The following NBAS variants were observed in gnomAD, a reference collection of about 807,000 sequenced individuals.
NBAS encodes the protein NBAS subunit of NRZ tethering complex.
Under a neutral mutation model 302.5 loss-of-function variants are expected in NBAS, and 219 were observed. That is an observed-to-expected ratio of 0.72 (90% CI 0.65 to 0.81). The LOEUF (loss-of-function observed/expected upper bound fraction) is 0.81, where lower values mean the gene tolerates loss of function less well. Ranked by LOEUF, NBAS falls within the 30% of genes least tolerant of loss-of-function variation. The pLI, the probability that NBAS is intolerant of heterozygous loss-of-function variation, is 0.00. For missense variants in NBAS, 2,932 were observed against 2,841.6 expected (o/e 1.03, Z -0.72); for synonymous variants, 1,118 against 1,021.6 (o/e 1.09, Z -1.80).
At chr2:15,532,396 G>A (rs1465008643) in intron 9 of NBAS, among the ~76,000 whole-genome samples, 3 of 150,732 alleles carry the variant, frequency 2.0e-5, no homozygotes, top group Non-Finnish European at 4.4e-5. Flanking sequence ...GGCTGAGGCA[G>A]GACAATGGCA....
intron 18 of NBAS, 62 bp from the exon 19 acceptor site, chr2:15,467,469 T>A: frequency 6.9e-7 from 1 of 1,454,328 alleles, no homozygotes; most frequent in Non-Finnish European, 9.7e-7. Context: ...CTAGGAGTTA[T>A]AATGAAAATG....
intron 51 of NBAS, among the ~76,000 whole-genome samples, chr2:15,171,738 A>T (rs906316574): frequency 3.5e-4 from 54 of 152,324 alleles, no homozygotes; most frequent in African/African-American, 1.3e-3. Flanking sequence ...GGGACTTTAA[A>T]GAGGCAATGA....
chr2:14,918,714 A>G, the NBAS span, among the ~76,000 whole-genome samples: 9 of 152,208 alleles, frequency 5.9e-5, no homozygotes, highest in African/African-American at 2.2e-4. Context: ...AGGCCACAGC[A>G]TGACAAGATT....
intron 9 of NBAS, among the ~76,000 whole-genome samples, chr2:15,511,725 A>G (rs952506188): frequency 3.3e-5 from 5 of 152,220 alleles, no homozygotes; most frequent in Admixed American, 2.6e-4. Flanking sequence ...ATCTGATGCA[A>G]TGAGGGAGCC....
chr2:15,321,458 A>G (rs534656630), intron 38 of NBAS, among the ~76,000 whole-genome samples: 1 of 152,350 alleles, frequency 6.6e-6, no homozygotes, highest in African/African-American at 2.4e-5. Flanking sequence ...GTGAACAGGC[A>G]ACCTACAGAA....
chr2:15,046,949 T>C, the NBAS span, among the ~76,000 whole-genome samples: 1 of 152,136 alleles, frequency 6.6e-6, no homozygotes, highest in African/African-American at 2.4e-5. Flanking sequence ...GTCAACATCA[T>C]CAGGGGAGCA....
At chr2:14,943,409 A>G in the NBAS span, among the ~76,000 whole-genome samples, 2 of 152,258 alleles carry the variant, frequency 1.3e-5, no homozygotes, top group Admixed American at 1.3e-4. Flanking sequence ...CTGACAAATA[A>G]AAAAGCGTAT....
chr2:15,323,699 G>T (rs908893539), intron 38 of NBAS, among the ~76,000 whole-genome samples: 1 of 151,940 alleles, frequency 6.6e-6, no homozygotes, highest in Non-Finnish European at 1.5e-5. Context: ...GCTGGGCATG[G>T]TGGTGCGCAC....
intron 48 of NBAS, among the ~76,000 whole-genome samples, chr2:15,208,208 T>C (rs1402585857): frequency 6.6e-6 from 1 of 152,130 alleles, no homozygotes; most frequent in African/African-American, 2.4e-5. Flanking sequence ...GCAAAAGGCA[T>C]GTCTTACATG....
the NBAS span, among the ~76,000 whole-genome samples, chr2:15,160,763 G>C: frequency 6.6e-6 from 1 of 152,216 alleles, no homozygotes; most frequent in Admixed American, 6.5e-5. Context: ...AGCTCAGACA[G>C]ATGTTTGTTT....
intron 38 of NBAS, among the ~76,000 whole-genome samples, chr2:15,321,685 C>T (rs1671813491): frequency 6.6e-6 from 1 of 152,170 alleles, no homozygotes; most frequent in South Asian, 2.1e-4. Context: ...ATCAAAACCA[C>T]AATGAGATAC....
chr2:14,883,032 T>C, the NBAS span, among the ~76,000 whole-genome samples: 1 of 152,206 alleles, frequency 6.6e-6, no homozygotes, highest in Non-Finnish European at 1.5e-5. Context: ...ATTGAAGACA[T>C]AAGCACAGCA....
chr2:14,813,135 C>T, the NBAS span, among the ~76,000 whole-genome samples: 1 of 152,178 alleles, frequency 6.6e-6, no homozygotes, highest in Non-Finnish European at 1.5e-5. Flanking sequence ...ATTACCTAAT[C>T]TCAGGTAGTT....
At chr2:14,866,807 G>A in the NBAS span, among the ~76,000 whole-genome samples, 1 of 152,192 alleles carries the variant, frequency 6.6e-6, no homozygotes, top group African/African-American at 2.4e-5. Context: ...TCAACAATCA[G>A]AGCCAATGTC....
chr2:14,995,365 G>T, the NBAS span, among the ~76,000 whole-genome samples: 1 of 152,092 alleles, frequency 6.6e-6, no homozygotes, highest in Non-Finnish European at 1.5e-5. Flanking sequence ...CATGTCTTTT[G>T]CAGGGACAAG....
chr2:15,443,824 T>C (rs1678576964), intron 21 of NBAS, among the ~76,000 whole-genome samples: 1 of 152,080 alleles, frequency 6.6e-6, no homozygotes, highest in South Asian at 2.1e-4. Flanking sequence ...ACAAAATCAA[T>C]GTACAAAAAT....
At chr2:15,415,800 A>G in intron 24 of NBAS, 81 bp from the exon 25 acceptor site, 1 of 1,460,366 alleles carries the variant, frequency 6.8e-7, no homozygotes, top group South Asian at 1.1e-5. Flanking sequence ...GCGAGTTCTA[A>G]AGCTTACAGG....
chr2:15,192,880 G>C (rs1012821842), intron 48 of NBAS, among the ~76,000 whole-genome samples: 5 of 152,062 alleles, frequency 3.3e-5, no homozygotes, highest in African/African-American at 1.2e-4. Flanking sequence ...GTTATTTTCT[G>C]TATGTGATGC....
At chr2:15,246,058 G>C (rs1668083090) in intron 44 of NBAS, among the ~76,000 whole-genome samples, 1 of 152,168 alleles carries the variant, frequency 6.6e-6, no homozygotes, top group South Asian at 2.1e-4. Context: ...TGCCAGGCTA[G>C]ATAAGGAATC....
Sources: allele counts gnomAD v4.1 joint callset (sites outside exome capture counted in the v4.1 genomes callset), GRCh38; gene constraint gnomAD v4.1.1; transcripts MANE v1.5; gene names NCBI Gene and HGNC (gene_info 2026-07-23, HGNC 2026-07-21).